TTC6: variants seen among roughly 807,000 people sequenced by gnomAD.
TTC6 encodes tetratricopeptide repeat domain 6, also known as tetratricopeptide repeat protein 6.
A neutral mutation model predicts 210.4 loss-of-function variants in TTC6; 172 were observed. The observed-to-expected ratio is 0.82, with a 90% CI of 0.72 to 0.93. The LOEUF (loss-of-function observed/expected upper bound fraction) is 0.93, where lower values mean the gene tolerates loss of function less well. Among genes scored for constraint, TTC6 ranks in the 40% least tolerant of loss-of-function variants. The pLI, the probability that TTC6 is intolerant of heterozygous loss-of-function variation, is 0.00. For synonymous variants in TTC6, 804 were observed against 819.6 expected, an observed-to-expected ratio of 0.98 and a Z score of 0.32; for missense variants, 2,414 against 2,318.1, an observed-to-expected ratio of 1.04 and a Z score of -0.85.
At chr14:37,792,489 A>T in intron 17 of TTC6, 75 bp downstream of exon 19, 1 of 1,198,454 alleles carries the variant, frequency 8.3e-7, no homozygotes, top group East Asian at 2.7e-5. Flanking sequence ...CATAATTTTA[A>T]TATATATACA....
At chr14:37,725,100 A>G (rs1320987428) in intron 7 of TTC6, 98 bp downstream of exon 9, 1 of 602,568 alleles carries the variant, frequency 1.7e-6, no homozygotes. Flanking sequence ...CTGGCCATTT[A>G]TGTAAATTAC....
chr14:37,787,007 C>T (rs1217496185), intron 14 of TTC6, among the ~76,000 whole-genome samples: 2 of 152,148 alleles, frequency 1.3e-5, no homozygotes, highest in African/African-American at 4.8e-5. Context: ...AAAGAGCAGA[C>T]TTTCACGTAT....
intron 7 of TTC6, among the ~76,000 whole-genome samples, chr14:37,735,168 A>C (rs1479352445): frequency 2.6e-5 from 4 of 152,296 alleles, no homozygotes; most frequent in Admixed American, 6.5e-5. Context: ...TAAGTTACCC[A>C]TAGCCTTCTC....
rs1275931538 is a variant in TTC6, at chr14:37,796,781, T to G, written c.3869-6T>G. 1.3e-6 allele frequency: 2 copies of G among 1,594,658 alleles called. No individual in the cohort carries two copies. The highest frequency in any genetic ancestry group is 1.7e-6 in the Non-Finnish European group (2 of 1,172,650). ...AAGATATTGATAAACTTTCCTTCCC[T>G]TTTAGGTCTCAGTGAGTTGAGTCCT... On this transcript the variant is annotated splice_region_variant and splice_polypyrimidine_tract_variant and intron_variant, in intron 19 of 30. Transcript: ENST00000553443.
At chr14:37,613,311 C>A (rs532501378) in intron 2 of TTC6, among the ~76,000 whole-genome samples, 1 of 152,170 alleles carries the variant, frequency 6.6e-6, no homozygotes, top group Admixed American at 6.5e-5. Context: ...ATACTTAAAT[C>A]AATTTTTCAA....
intron 26 of TTC6, among the ~76,000 whole-genome samples, chr14:37,818,721 A>G (rs2096148343): frequency 6.6e-6 from 1 of 152,118 alleles, no homozygotes; most frequent in Admixed American, 6.6e-5. Flanking sequence ...TAAAAGGCTT[A>G]AACTGGTCTC....
Position 37,749,150 on chromosome 14 carries a change from GAGAA to G in TTC6, c.2579_2582del (p.Lys860MetfsTer14). 6.5e-7 allele frequency: 1 copy of G among 1,535,386 alleles called. No homozygotes were observed. Among genetic ancestry groups the G allele is most frequent in the South Asian group, 1.2e-5 (1 of 83,902 alleles). ...CAAAGATGCGAGCATACCTGTAAAA[GAGAA>G]AGATGATAAAATATCAGTTCCTGAA... On this transcript the variant is annotated frameshift_variant, in exon 11 of 31. Coordinates refer to ENST00000553443, the Ensembl canonical transcript of TTC6. LOFTEE classifies it high-confidence loss of function.
intron 1 of TTC6, among the ~76,000 whole-genome samples, chr14:37,651,421 ATATATTTTTTTTTTTTTTTT>A (rs1167551546): frequency 4.6e-5 from 1 of 21,956 alleles, no homozygotes; most frequent in African/African-American, 2.4e-4. Flanking sequence ...ATATATATAT[ATATATTTTTTTTTTTTTTTT>A]TTTTTTTTTT....
At chr14:37,811,337 T>C (rs2096129122) in intron 24 of TTC6, among the ~76,000 whole-genome samples, 1 of 152,208 alleles carries the variant, frequency 6.6e-6, no homozygotes, top group African/African-American at 2.4e-5. Context: ...GTCCTGGCAA[T>C]TTTTATTTTT....
intron 29 of TTC6, among the ~76,000 whole-genome samples, chr14:37,833,856 A>G (rs1212245774): frequency 6.6e-6 from 1 of 152,156 alleles, no homozygotes; most frequent in African/African-American, 2.4e-5. Context: ...TCTCTTAAGC[A>G]GTTCATGTAG....
chr14:37,642,331 A>G (rs559113786), intron 1 of TTC6, among the ~76,000 whole-genome samples: 1 of 152,336 alleles, frequency 6.6e-6, no homozygotes, highest in South Asian at 2.1e-4. Flanking sequence ...ACATTTTGTC[A>G]TCAGAGTGAA....
intron 2 of TTC6, 54 bp downstream of exon 2, chr14:37,606,796 G>A (rs2095625980): frequency 1.0e-6 from 1 of 984,504 alleles, no homozygotes; most frequent in Admixed American, 6.2e-5. Flanking sequence ...GTCATCAAAA[G>A]GCTCTACTCC....
chr14:37,750,431 C>T (rs925707134), intron 12 of TTC6, among the ~76,000 whole-genome samples: 2 of 152,114 alleles, frequency 1.3e-5, no homozygotes, highest in African/African-American at 2.4e-5. Context: ...GTCATCACAA[C>T]CTAACCTTTT....
In TTC6 at chr14:37,805,375, A is replaced by C. The variant is rs1207459313; in HGVS notation, c.4164+561A>C. ...ACAAATATGTAAAATAATTGATACT[A>C]TCCAATGGCTAATGTTGGATATTCT... On this transcript the variant is annotated intron_variant, in intron 21 of 30. Coordinates refer to ENST00000553443, the Ensembl canonical transcript of TTC6. 2.0e-5 allele frequency among the ~76,000 whole-genome samples: 3 copies of C among 151,800 alleles called. No homozygotes were observed. In the East Asian group the frequency reaches 5.8e-4, roughly 29 times the overall value.
In TTC6 at chr14:37,709,082, C is replaced by T. The variant is rs141010829; in HGVS notation, c.1572-5573C>T. Among the ~76,000 whole-genome samples, 675 of 152,010 alleles carry T rather than the reference C, an allele frequency of 4.4e-3. 3 individuals carry two copies. The highest frequency in any genetic ancestry group is 0.012 in the South Asian group (60 of 4,814). The stretch of plus-strand genomic sequence containing the variant: ...TATTTCCTACCAGTGTAGGTATCTG[C>T]GACTGACCTTCCCCTACCATCTGCC... On this transcript the variant is annotated intron_variant, in intron 5 of 30. Coordinates refer to ENST00000553443, the Ensembl canonical transcript of TTC6.
intron 10 of TTC6, among the ~76,000 whole-genome samples, chr14:37,747,977 G>A (rs1434320692): frequency 1.3e-5 from 2 of 152,182 alleles, no homozygotes; most frequent in East Asian, 3.9e-4. Flanking sequence ...GGACCATGGT[G>A]AAGGGCTTGA....
chr14:37,762,160 T>C (rs1312573337), intron 14 of TTC6, among the ~76,000 whole-genome samples: 2 of 152,232 alleles, frequency 1.3e-5, no homozygotes, highest in African/African-American at 4.8e-5. Context: ...TTCCCTTTTT[T>C]TTTAAGAAAA....
upstream of TTC6, among the ~76,000 whole-genome samples, chr14:37,619,400 A>T (rs2139286289): frequency 6.6e-6 from 1 of 152,340 alleles, no homozygotes; most frequent in East Asian, 1.9e-4. Context: ...TTACAATTAT[A>T]AAGATAATTA....
Position 37,742,253 on chromosome 14 carries a change from C to T in TTC6, c.2363+3098C>T, listed in dbSNP as rs571091065. On this transcript the variant is annotated intron_variant, in intron 10 of 30. Transcript: ENST00000553443. ...TCTTAACTCACTTGACCTGCTCCTG[C>T]GAGTGACCCTGTGGTCTCAGACCTG... is the stretch of plus-strand genomic sequence containing the variant. 5.9e-5 allele frequency among the ~76,000 whole-genome samples: 9 copies of T among 152,196 alleles called. 1 individual carries two copies. The highest frequency in any genetic ancestry group is 2.1e-4 in the South Asian group (1 of 4,832).
Sources: gnomAD v4.1 joint callset for allele counts (sites outside exome capture counted in the v4.1 genomes callset) on GRCh38, gnomAD v4.1.1 for gene constraint, MANE v1.5 for transcripts, NCBI Gene and HGNC (gene_info 2026-07-23, HGNC 2026-07-21) for gene names.